The following SYNJ1 variants were observed in gnomAD, a reference collection of about 807,000 sequenced individuals.
SYNJ1 encodes the protein polyphosphatidylinositol phosphatase SYNJ1.
SYNJ1 carries 78 observed loss-of-function variants against 168.2 expected under a neutral mutation model. That is an observed-to-expected ratio of 0.46 (90% CI 0.39 to 0.56). The LOEUF (loss-of-function observed/expected upper bound fraction) is 0.56, where lower values mean the gene tolerates loss of function less well. Ranked by LOEUF, SYNJ1 falls within the 20% of genes least tolerant of loss-of-function variation. The pLI, the probability that SYNJ1 is intolerant of heterozygous loss-of-function variation, is 0.00. For missense variants in SYNJ1, 1,303 were observed against 1,597.6 expected (o/e 0.82, Z 3.14); for synonymous variants, 539 against 548.6 (o/e 0.98, Z 0.24).
At chr21:32,720,528 A>G (rs2043182856) in intron 2 of SYNJ1, among the ~76,000 whole-genome samples, 1 of 152,212 alleles carries the variant, frequency 6.6e-6, no homozygotes, top group Non-Finnish European at 1.5e-5. Flanking sequence ...AATTAGGTAG[A>G]CAAAGAATCT....
chr21:32,645,176 C>T (rs1662836029), intron 25 of SYNJ1, among the ~76,000 whole-genome samples, 170 bp from the exon 26 acceptor site: 1 of 152,172 alleles, frequency 6.6e-6, no homozygotes, highest in African/African-American at 2.4e-5. Flanking sequence ...ATTGAAGTAA[C>T]AGCACTATAT....
chr21:32,711,840 C>T (rs999470172), intron 2 of SYNJ1, among the ~76,000 whole-genome samples: 4 of 152,056 alleles, frequency 2.6e-5, no homozygotes, highest in African/African-American at 7.2e-5. Context: ...ACATAGTTGT[C>T]GCATGATAAT....
At chr21:32,664,037 A>C (rs2040821898) in intron 18 of SYNJ1, among the ~76,000 whole-genome samples, 1 of 152,230 alleles carries the variant, frequency 6.6e-6, no homozygotes, top group African/African-American at 2.4e-5. Flanking sequence ...TCCGGGGGCC[A>C]TGTTTGAAAA....
chr21:32,645,638 G>A lies in SYNJ1; in HGVS notation c.3391+8C>T, dbSNP rs779010105. 4 of 1,526,526 alleles carry A rather than the reference G, an allele frequency of 2.6e-6. No individual in the cohort carries two copies. Among genetic ancestry groups the A allele is most frequent in the Non-Finnish European group, 3.5e-6 (4 of 1,144,030 alleles). The allele number at this position is 1,526,526 out of a possible 1,614,324, so 94.6% of individuals were successfully genotyped here. A position where few individuals can be genotyped will look rare whatever the true frequency, so the allele number is the denominator to read the frequency against. ...CATCTAGCAGAAATGGAAATAAAAGGTTGTCACCTGAAGGCGGAGGAGGTC... is the reference window on the plus strand; with the variant it reads ...CATCTAGCAGAAATGGAAATAAAAGATTGTCACCTGAAGGCGGAGGAGGTC... On this transcript the variant is annotated splice_region_variant and intron_variant, in intron 25 of 32. Transcript: ENST00000674351.
intron 27 of SYNJ1, among the ~76,000 whole-genome samples, chr21:32,642,627 A>G (rs1311056361): frequency 6.6e-6 from 1 of 152,238 alleles, no homozygotes; most frequent in East Asian, 1.9e-4. Flanking sequence ...TTATCTTATG[A>G]TGAGATCTTT....
At chr21:32,670,816 C>G (rs115288138) in intron 14 of SYNJ1, 2 of 985,064 alleles carry the variant, frequency 2.0e-6, no homozygotes, top group African/African-American at 1.7e-5. Flanking sequence ...AAAACATAAT[C>G]TTGATCTTTT....
intron 32 of SYNJ1, 96 bp from the exon 33 acceptor site, chr21:32,631,897 G>A: frequency 8.6e-7 from 1 of 1,160,154 alleles, no homozygotes; most frequent in South Asian, 1.8e-5. Flanking sequence ...TTAGGGGCAA[G>A]CATGTAAATT....
Position 32,726,811 on chromosome 21 carries a change from C to T in SYNJ1, c.85G>A (p.Glu29Lys). Residue 29 changes from glutamate (E) to lysine (K), a missense_variant, in exon 2 of 33, where the codon GAA becomes AAA. This residue lies in a region of SYNJ1 where 920 missense variants were observed against 1,208.8 expected (regional missense o/e 0.76). Coordinates refer to ENST00000674351, the MANE Select transcript of SYNJ1 (RefSeq NM_203446.3). ...GCCCCAGACTCGAACATGAGACATT[C>T]TTCCTTATGCCTAGTTTCCACTATG... ...SLIVETRHKEECLMFESGAVA... is the reference protein window; with the variant it reads ...SLIVETRHKEKCLMFESGAVA... The T allele has an allele frequency of 1.2e-6, 2 of 1,614,184 alleles. No individual in the cohort carries two copies. Among genetic ancestry groups the T allele is most frequent in the Non-Finnish European group, 1.7e-6 (2 of 1,180,038 alleles).
At chr21:32,670,853 A>G in intron 14 of SYNJ1, 1 of 968,472 alleles carries the variant, frequency 1.0e-6, no homozygotes, top group Non-Finnish European at 1.2e-6. Context: ...AAAGAAATCC[A>G]GGAAAACTAG....
chr21:32,632,848 G>C (rs144275633), intron 32 of SYNJ1, among the ~76,000 whole-genome samples: 5,062 of 152,136 alleles, frequency 0.033, 122 homozygotes, highest in Middle Eastern at 0.095. Context: ...AATGAAACCT[G>C]TCTCTACTAA....
chr21:32,694,355 T>G (rs747296087), intron 5 of SYNJ1, 44 bp from the exon 6 acceptor site: 1 of 1,438,078 alleles, frequency 7.0e-7, no homozygotes, highest in South Asian at 1.4e-5. Context: ...CACAGAAAAG[T>G]TGTTACACTT....
intron 15 of SYNJ1, among the ~76,000 whole-genome samples, chr21:32,668,117 T>A (rs752251657): frequency 5.3e-5 from 8 of 150,888 alleles, no homozygotes; most frequent in Non-Finnish European, 8.8e-5. Flanking sequence ...CAGGCCGGAG[T>A]GCGGTGGTGC....
chr21:32,723,546 A>G (rs1046201135), intron 2 of SYNJ1, among the ~76,000 whole-genome samples: 1 of 152,202 alleles, frequency 6.6e-6, no homozygotes, highest in Non-Finnish European at 1.5e-5. Flanking sequence ...GGCTGCGAGC[A>G]GTGGCTCACG....
chr21:32,662,093 G>A (rs1220738933), intron 18 of SYNJ1, among the ~76,000 whole-genome samples: 1 of 152,148 alleles, frequency 6.6e-6, no homozygotes, highest in Non-Finnish European at 1.5e-5. Context: ...ATCCACCACA[G>A]CCGTGTGAAA....
In SYNJ1 at chr21:32,634,891, G is replaced by C. The variant is rs758173047; in HGVS notation, c.3916-7C>G. The C allele has an allele frequency of 9.9e-6, 16 of 1,613,548 alleles. No individual in the cohort carries two copies. The highest frequency in any genetic ancestry group is 1.1e-5 in the Non-Finnish European group (13 of 1,179,872). ...ACCCTGATGGTTGCTCCTGCTTTGA[G>C]AAAGGAAACAGACATCAAAGGAAAG... is the stretch of plus-strand genomic sequence containing the variant. On this transcript the variant is annotated splice_region_variant and splice_polypyrimidine_tract_variant and intron_variant, in intron 31 of 32. Transcript: ENST00000674351.
In SYNJ1 at chr21:32,634,883, T is replaced by C. The variant is rs1220508002; in HGVS notation, c.3917A>G (p.Gln1306Arg). Residue 1306 changes from glutamine to arginine, a missense_variant and splice_region_variant, in exon 32 of 33, where the codon CAG becomes CGG. Gln to Arg is a conservative substitution (Grantham distance 43). Around this residue, in one of 2 missense-constraint regions of SYNJ1, gnomAD observed 383 missense variants for 388.8 expected, o/e 0.99. Transcript: ENST00000674351. ...TACCTGTTACCCTGATGGTTGCTCC[T>C]GCTTTGAGAAAGGAAACAGACATCA... is the stretch of plus-strand genomic sequence containing the variant. Reference protein sequence around the residue: ...LPSEASSQPQQEQPSG With the variant: ...LPSEASSQPQREQPSG 6.2e-7 allele frequency: 1 copy of C among 1,613,748 alleles called. No homozygotes were observed. The highest frequency in any genetic ancestry group is 1.3e-5 in the African/African-American group (1 of 74,916).
intron 14 of SYNJ1, among the ~76,000 whole-genome samples, chr21:32,671,020 C>T (rs1415286625): frequency 2.0e-5 from 3 of 152,094 alleles, no homozygotes; most frequent in Non-Finnish European, 4.4e-5. Flanking sequence ...TAGAAAGAGC[C>T]TATATGGCCA....
chr21:32,657,312 CTTTA>C (rs1377254275), intron 19 of SYNJ1, among the ~76,000 whole-genome samples, 192 bp from the exon 20 acceptor site: 3 of 152,168 alleles, frequency 2.0e-5, no homozygotes, highest in Non-Finnish European at 4.4e-5. Context: ...TCATTTTATG[CTTTA>C]TTTAGTAAAA....
intron 13 of SYNJ1, among the ~76,000 whole-genome samples, chr21:32,674,622 CG>C (rs1379806492): frequency 1.1e-4 from 2 of 18,160 alleles, no homozygotes; most frequent in Admixed American, 8.8e-4. Flanking sequence ...CAATCTCTCC[CG>C]TTTTTTTTTT....
Sources: allele counts gnomAD v4.1 joint callset (sites outside exome capture counted in the v4.1 genomes callset), GRCh38; gene constraint gnomAD v4.1.1; regional missense constraint gnomAD v4.1.1; transcripts MANE v1.5; gene names NCBI Gene and HGNC (gene_info 2026-07-23, HGNC 2026-07-21).